NEO1: variants seen among roughly 807,000 people sequenced by gnomAD.
The protein encoded by NEO1 is neogenin.
A neutral mutation model predicts 159.7 loss-of-function variants in NEO1; 63 were observed. The ratio of observed to expected loss-of-function variants is 0.39; its 90% CI spans 0.32 to 0.49. The LOEUF (loss-of-function observed/expected upper bound fraction) is 0.49. Ranked by LOEUF, NEO1 falls within the 20% of genes least tolerant of loss-of-function variation. NEO1 has a pLI of 0.85. For missense variants in NEO1, 1,615 were observed against 1,831.0 expected (o/e 0.88, Z 2.15); for synonymous variants, 633 against 662.0 (o/e 0.96, Z 0.67).
At chr15:73,144,356 C>A (rs1020174712) in intron 5 of NEO1, among the ~76,000 whole-genome samples, 1 of 152,144 alleles carries the variant, frequency 6.6e-6, no homozygotes, top group South Asian at 2.1e-4. Context: ...GGTGAACTTT[C>A]CTCCACATGG....
intron 7 of NEO1, 79 bp downstream of exon 7, chr15:73,178,506 A>G: frequency 6.6e-7 from 1 of 1,525,566 alleles, no homozygotes; most frequent in Non-Finnish European, 8.9e-7. Flanking sequence ...ATAACTCATG[A>G]TTGATAACCC....
At chr15:73,298,227 C>G in intron 26 of NEO1, 121 bp from the exon 27 acceptor site, 2 of 1,167,340 alleles carry the variant, frequency 1.7e-6, no homozygotes, top group Non-Finnish European at 2.4e-6. Context: ...TTCTCTTGGA[C>G]TAGCACTGAT....
At chr15:73,107,886 A>G (rs751089222) in intron 1 of NEO1, among the ~76,000 whole-genome samples, 6 of 152,234 alleles carry the variant, frequency 3.9e-5, no homozygotes, top group Non-Finnish European at 8.8e-5. Context: ...AAAGTGGCTT[A>G]TAAGATATTT....
At chr15:73,081,293 A>T (rs2069032576) in intron 1 of NEO1, among the ~76,000 whole-genome samples, 1 of 152,112 alleles carries the variant, frequency 6.6e-6, no homozygotes, top group Admixed American at 6.5e-5. Context: ...ACTATAGATA[A>T]TCACATTTTA....
intron 4 of NEO1, 184 bp downstream of exon 4, chr15:73,126,754 A>G (rs1375684021): frequency 1.9e-6 from 1 of 516,298 alleles, no homozygotes; most frequent in Admixed American, 3.9e-5. Flanking sequence ...AGAAAAAGAT[A>G]CTTTCAAAAT....
chr15:73,126,815 G>A (rs1352589274), intron 4 of NEO1, among the ~76,000 whole-genome samples: 1 of 152,162 alleles, frequency 6.6e-6, no homozygotes, highest in Non-Finnish European at 1.5e-5. Flanking sequence ...AGTGTACTCA[G>A]CTTAAGTCTT....
intron 9 of NEO1, among the ~76,000 whole-genome samples, chr15:73,246,508 G>A (rs1231802544): frequency 1.3e-5 from 2 of 152,110 alleles, no homozygotes; most frequent in East Asian, 3.8e-4. Context: ...ACAGAATAGA[G>A]AAAACTTACT....
chr15:73,304,119 C>T lies in NEO1; in HGVS notation c.*1423C>T, dbSNP rs569203718. 4.6e-5 allele frequency: 7 copies of T among 152,184 alleles called. No individual in the cohort carries two copies. In the East Asian group the frequency reaches 1.2e-3, roughly 25 times the overall value. 9.4% of individuals were successfully genotyped at this position (152,184 alleles called of 1,614,324 possible). A position where few individuals can be genotyped will look rare whatever the true frequency, so the allele number is the denominator to read the frequency against. On this transcript the variant is annotated 3_prime_UTR_variant, in exon 29 of 29. Coordinates refer to ENST00000261908, the MANE Select transcript of NEO1 (RefSeq NM_002499.4). The stretch of plus-strand genomic sequence containing the variant: ...ACAGCGGAAACAGCTGCCCACCCCC[C>T]CCATCCCAGCAGCTCAGCTAAGCCC...
chr15:73,151,329 G>A (rs2033352979), intron 5 of NEO1, among the ~76,000 whole-genome samples: 2 of 152,140 alleles, frequency 1.3e-5, no homozygotes, highest in East Asian at 3.9e-4. Flanking sequence ...AATTCTTAAA[G>A]TGTTCTGTCA....
Position 73,260,349 on chromosome 15 carries a change from C to T in NEO1, c.2282C>T (p.Pro761Leu), listed in dbSNP as rs2040567673. ...VTSIVVSWTP[P>L]ENQNIVVRGY... ...AGCATCGTAGTGAGCTGGACTCCTC[C>T]AGAGAATCAGAACATTGTGGTCAGA... The change falls in exon 15 of 29, where the codon CCA (proline) becomes CTA (leucine). Residue 761 changes from proline (P) to leucine (L), a missense_variant. Transcript: ENST00000261908. The T allele has an allele frequency of 6.2e-7, 1 of 1,613,904 alleles. No homozygotes were observed. The highest frequency in any genetic ancestry group is 8.5e-7 in the Non-Finnish European group (1 of 1,179,990).
intron 13 of NEO1, chr15:73,256,126 A>G (rs1007620137): frequency 6.6e-6 from 1 of 152,228 alleles, no homozygotes; most frequent in Non-Finnish European, 1.5e-5. Flanking sequence ...TGAAAGGATT[A>G]CAGAAGCTTG....
In NEO1 at chr15:73,302,824, C is replaced by T; in HGVS notation, c.*128C>T. On this transcript the variant is annotated 3_prime_UTR_variant, in exon 29 of 29. Transcript: ENST00000261908. ...ACACAGAATGAGCCAGCAGACTGGCCAGCGCCTCTGTGTAGGGCTGGCTCC... is the reference window on the plus strand; with the variant it reads ...ACACAGAATGAGCCAGCAGACTGGCTAGCGCCTCTGTGTAGGGCTGGCTCC... 1 of 841,220 alleles carries T rather than the reference C, an allele frequency of 1.2e-6. No individual in the cohort carries two copies. The highest frequency in any genetic ancestry group is 1.9e-6 in the Non-Finnish European group (1 of 524,876). 52.1% of individuals were successfully genotyped at this position (841,220 alleles called of 1,614,324 possible).
intron 8 of NEO1, among the ~76,000 whole-genome samples, chr15:73,243,364 G>T (rs1341785260): frequency 6.6e-6 from 1 of 152,156 alleles, no homozygotes; most frequent in East Asian, 1.9e-4. Flanking sequence ...TTTAAAGTAA[G>T]AATTTTAATT....
intron 15 of NEO1, among the ~76,000 whole-genome samples, chr15:73,262,498 G>A (rs1489851166): frequency 2.4e-4 from 37 of 152,156 alleles, no homozygotes; most frequent in Admixed American, 2.4e-3. Context: ...ATAACCATAT[G>A]AAAAGATGCT....
chr15:73,272,362 C>A (rs2041212118), intron 18 of NEO1, 93 bp from the exon 19 acceptor site: 1 of 813,922 alleles, frequency 1.2e-6, no homozygotes, highest in African/African-American at 1.7e-5. Context: ...TTGCCTTGTG[C>A]CCTTTATTTT....
chr15:73,249,557 G>T (rs762724567), intron 10 of NEO1, 26 bp from the exon 11 acceptor site: 2 of 1,579,776 alleles, frequency 1.3e-6, no homozygotes, highest in East Asian at 2.2e-5. Flanking sequence ...GAGTGCATAT[G>T]TATAAAGTGT....
chr15:73,160,152 CT>C (rs2034067902), intron 5 of NEO1, among the ~76,000 whole-genome samples: 1 of 152,042 alleles, frequency 6.6e-6, no homozygotes, highest in South Asian at 2.1e-4. Flanking sequence ...ATTATGTATA[CT>C]TTTAATTTTT....
intron 7 of NEO1, among the ~76,000 whole-genome samples, chr15:73,206,731 T>G (rs925298425): frequency 6.6e-5 from 10 of 152,218 alleles, no homozygotes; most frequent in African/African-American, 2.4e-4. Context: ...GTAGATTTTC[T>G]CTATTTTTTT....
intron 25 of NEO1, among the ~76,000 whole-genome samples, chr15:73,290,920 G>A (rs1567711188): frequency 1.3e-5 from 2 of 152,172 alleles, no homozygotes; most frequent in Non-Finnish European, 2.9e-5. Flanking sequence ...GTCTGCACAC[G>A]CATTCCCTCT....
Sources: gnomAD v4.1 joint callset for allele counts (sites outside exome capture counted in the v4.1 genomes callset) on GRCh38, gnomAD v4.1.1 for gene constraint, MANE v1.5 for transcripts, NCBI Gene and HGNC (gene_info 2026-07-23, HGNC 2026-07-21) for gene names.